Variants in FKBP4 observed in about 807,000 individuals in gnomAD.
FKBP4 encodes peptidyl-prolyl cis-trans isomerase FKBP4.
A neutral mutation model predicts 54.1 loss-of-function variants in FKBP4; 28 were observed. The ratio of observed to expected loss-of-function variants is 0.52; its 90% CI spans 0.38 to 0.71. FKBP4 has a LOEUF of 0.71. FKBP4 is among the 30% of genes least tolerant of loss of function. The probability of loss-of-function intolerance (pLI) is 0.00; values close to 1 mark genes in which losing one functional copy is unlikely to be tolerated. For missense variants in FKBP4, 493 were observed against 574.4 expected (o/e 0.86, Z 1.45); for synonymous variants, 223 against 216.1 (o/e 1.03, Z -0.28).
chr12:2,801,484 T>A, intron 9 of FKBP4, 128 bp downstream of exon 9: 2 of 1,320,762 alleles, frequency 1.5e-6, no homozygotes, highest in Non-Finnish European at 2.1e-6. Context: ...CCTGGAGCAT[T>A]AAGGAGCACG....
intron 9 of FKBP4, 40 bp from the exon 10 acceptor site, chr12:2,803,111 C>G (rs373163066): frequency 7.1e-7 from 1 of 1,408,244 alleles, no homozygotes; most frequent in African/African-American, 1.4e-5. Flanking sequence ...TGTTTTTTCA[C>G]TTGGGAAGTC....
At chr12:2,802,462 T>C (rs961429011) in intron 9 of FKBP4, among the ~76,000 whole-genome samples, 1 of 152,172 alleles carries the variant, frequency 6.6e-6, no homozygotes, top group Non-Finnish European at 1.5e-5. Context: ...AAACCAGCAC[T>C]GTCCAGTAGA....
At chr12:2,796,197 TC>T (rs2097901744) in intron 1 of FKBP4, 2 of 1,286,620 alleles carry the variant, frequency 1.6e-6, no homozygotes, top group Non-Finnish European at 2.0e-6. Context: ...ACCGCTGAGC[TC>T]CGCGTGTGCG....
At chr12:2,796,053 G>A in intron 1 of FKBP4, 2 of 1,179,422 alleles carry the variant, frequency 1.7e-6, no homozygotes, top group Non-Finnish European at 2.1e-6. Context: ...GCTGCGGGGA[G>A]GGCATCTTGA....
chr12:2,796,883 G>T, intron 1 of FKBP4: 1 of 1,300,190 alleles, frequency 7.7e-7, no homozygotes, highest in African/African-American at 1.5e-5. Context: ...TTACCATACA[G>T]CGGAAACTTG....
chr12:2,797,429 T>G, intron 2 of FKBP4, 147 bp downstream of exon 2: 1 of 898,998 alleles, frequency 1.1e-6, no homozygotes, highest in Non-Finnish European at 1.7e-6. Context: ...TTTTTTTTTC[T>G]ACCGTTCTGT....
chr12:2,799,342 C>A, intron 5 of FKBP4, 98 bp downstream of exon 5: 1 of 1,270,294 alleles, frequency 7.9e-7, no homozygotes, highest in Non-Finnish European at 1.1e-6. Context: ...CTTTTTAACT[C>A]TGGCCACACC....
In FKBP4 at chr12:2,804,530, G is replaced by A. The variant is rs2097906528; in HGVS notation, c.*1272G>A. 1 of 152,180 alleles carries A rather than the reference G, an allele frequency of 6.6e-6. No individual in the cohort carries two copies. The highest frequency in any genetic ancestry group is 2.1e-4 in the South Asian group (1 of 4,824). 9.4% of individuals were successfully genotyped at this position (152,180 alleles called of 1,614,324 possible). On this transcript the variant is annotated 3_prime_UTR_variant, in exon 10 of 10. Coordinates refer to ENST00000001008, the MANE Select transcript of FKBP4 (RefSeq NM_002014.4). Reference sequence around the variant, plus strand: ...ACCCTTAACTCCTATGGCATGATGGGGCCCTGGGAGAAGCCAGGCAGCACA... The same window carrying A: ...ACCCTTAACTCCTATGGCATGATGGAGCCCTGGGAGAAGCCAGGCAGCACA...
chr12:2,801,356 G>C lies in FKBP4; in HGVS notation c.1272G>C (p.Lys424Asn), dbSNP rs1271468191. 2.5e-6 allele frequency: 4 copies of C among 1,613,984 alleles called. No homozygotes were observed. Among genetic ancestry groups the C allele is most frequent in the Non-Finnish European group, 3.4e-6 (4 of 1,180,002 alleles). The change falls in exon 9 of 10, where the codon AAG (lysine) becomes AAC (asparagine). Residue 424 changes from lysine to asparagine, a missense_variant and splice_region_variant. Lys to Asn is a moderately conservative substitution (Grantham distance 94). Coordinates refer to ENST00000001008, the MANE Select transcript of FKBP4 (RefSeq NM_002014.4). ...AGAGGCTGGCTGAGGAGGAGAACAA[G>C]GTGAGGATTGGGGTGGGGAACAGTT... ...MFERLAEEEN[K>N]AKAEASSGDH...
chr12:2,794,979 G>C lies in FKBP4; in HGVS notation c.-161G>C, dbSNP rs1603481210. 1 of 338,382 alleles carries C rather than the reference G, an allele frequency of 3.0e-6. No individual in the cohort carries two copies. Among genetic ancestry groups the C allele is most frequent in the Non-Finnish European group, 5.2e-6 (1 of 190,564 alleles). 21.0% of individuals were successfully genotyped at this position (338,382 alleles called of 1,614,324 possible). A position where few individuals can be genotyped will look rare whatever the true frequency, so the allele number is the denominator to read the frequency against. On this transcript the variant is annotated 5_prime_UTR_variant, in exon 1 of 10. Coordinates refer to ENST00000001008, the MANE Select transcript of FKBP4 (RefSeq NM_002014.4). Reference sequence around the variant, plus strand: ...AGCCGCTCCTGACCCACCTACCCCAGCTCTCGCGCCGCGTGCAGAGGTGCT... The same window carrying C: ...AGCCGCTCCTGACCCACCTACCCCACCTCTCGCGCCGCGTGCAGAGGTGCT...
intron 7 of FKBP4, 50 bp downstream of exon 7, chr12:2,800,172 G>T (rs1158754028): frequency 6.3e-7 from 1 of 1,580,930 alleles, no homozygotes; most frequent in East Asian, 2.2e-5. Flanking sequence ...GAGTTGCTCT[G>T]AGCCTCCCCT....
Position 2,795,131 on chromosome 12 carries a change from C to A in FKBP4, c.-9C>A. Reference sequence around the variant, plus strand: ...ACCAGCTCCCGGATAAACGGCGCGCCGCGCGGAGATGACAGCCGAGGAGAT... The same window carrying A: ...ACCAGCTCCCGGATAAACGGCGCGCAGCGCGGAGATGACAGCCGAGGAGAT... On this transcript the variant is annotated 5_prime_UTR_variant, in exon 1 of 10. Coordinates refer to ENST00000001008, the MANE Select transcript of FKBP4 (RefSeq NM_002014.4). This position sits in a 1 kb window ranked among gnomAD's most constrained non-coding sequence, Gnocchi z 4.3. 7.7e-7 allele frequency: 1 copy of A among 1,299,216 alleles called. No homozygotes were observed. The highest frequency in any genetic ancestry group is 3.1e-5 in the South Asian group (1 of 32,086). 80.5% of individuals were successfully genotyped at this position (1,299,216 alleles called of 1,614,324 possible).
chr12:2,795,198 TG>T lies in FKBP4; in HGVS notation c.61del (p.Glu21ArgfsTer14). The T allele has an allele frequency of 7.5e-7, 1 of 1,329,364 alleles. No individual in the cohort carries two copies. The highest frequency in any genetic ancestry group is 9.7e-7 in the Non-Finnish European group (1 of 1,031,860). 82.3% of individuals were successfully genotyped at this position (1,329,364 alleles called of 1,614,324 possible). On this transcript the variant is annotated frameshift_variant, in exon 1 of 10. Coordinates refer to ENST00000001008, the MANE Select transcript of FKBP4 (RefSeq NM_002014.4). LOFTEE classifies it high-confidence loss of function. This position sits in a 1 kb window ranked among gnomAD's most constrained non-coding sequence, Gnocchi z 4.3. Reference sequence around the variant, plus strand: ...GGGGCGCAGTCGGCGCCGCTGCCCATGGAGGGAGTGGACATCAGCCCCAAAC... The same window carrying T: ...GGGGCGCAGTCGGCGCCGCTGCCCATGAGGGAGTGGACATCAGCCCCAAAC... Reference protein sequence around the residue: ...ESGAQSAPLPMEGVDISPKQD... With the variant: ...ESGAQSAPLPXEGVDISPKQD...
chr12:2,801,478 G>C, intron 9 of FKBP4, 122 bp downstream of exon 9: 1 of 1,328,706 alleles, frequency 7.5e-7, no homozygotes, highest in Non-Finnish European at 1.1e-6. Context: ...CTTTTCCCTG[G>C]AGCATTAAGG....
At chr12:2,796,652 C>A (rs1293026633) in intron 1 of FKBP4, 11 of 1,106,490 alleles carry the variant, frequency 9.9e-6, no homozygotes, top group East Asian at 1.4e-4. Flanking sequence ...CTATTCTCTT[C>A]ACTCATACTC....
intron 1 of FKBP4, chr12:2,796,004 TGCCGCCGAGTGACC>T: frequency 1.7e-6 from 2 of 1,151,768 alleles, no homozygotes; most frequent in Non-Finnish European, 2.2e-6. Context: ...CTGTGGAGCC[TGCCGCCGAGTGACC>T]GCTCGACTAC....
At position 2,800,385 on chromosome 12, in the gene FKBP4, A is replaced by G. The variant is rs1288933675; in HGVS notation, c.847-7A>G. 2.5e-6 allele frequency: 4 copies of G among 1,605,398 alleles called. No individual in the cohort carries two copies. In the Admixed American group the frequency reaches 5.1e-5, roughly 20 times the overall value. On this transcript the variant is annotated splice_polypyrimidine_tract_variant and splice_region_variant and intron_variant, in intron 7 of 9. Coordinates refer to ENST00000001008, the MANE Select transcript of FKBP4 (RefSeq NM_002014.4). ...TGCCAGGTGCCTGAGCCTCTCTCCC[A>G]TTCCAGGAAGGTAAATACAAGCAAG...
intron 8 of FKBP4, 117 bp from the exon 9 acceptor site, chr12:2,801,000 G>A (rs2097904424): frequency 5.7e-6 from 8 of 1,402,680 alleles, no homozygotes; most frequent in Admixed American, 4.3e-5. Flanking sequence ...CTGGGGTGCA[G>A]CCAGCCACTT....
chr12:2,797,426 TTC>T, intron 2 of FKBP4, 144 bp downstream of exon 2: 1 of 980,704 alleles, frequency 1.0e-6, no homozygotes, highest in Non-Finnish European at 1.5e-6. Flanking sequence ...TTTTTTTTTT[TTC>T]TACCGTTCTG....
Sources: gnomAD v4.1 joint callset for allele counts (sites outside exome capture counted in the v4.1 genomes callset) on GRCh38, gnomAD v4.1.1 for gene constraint, Gnocchi (gnomAD v3.1) non-coding constraint, MANE v1.5 for transcripts, NCBI Gene and HGNC (gene_info 2026-07-23, HGNC 2026-07-21) for gene names.